The following DLGAP2 variants were observed in gnomAD, a reference collection of about 807,000 sequenced individuals.
DLGAP2 encodes the protein DLG associated protein 2.
In DLGAP2, 26 loss-of-function variants were observed where a neutral mutation model predicts 100.3. The ratio of observed to expected loss-of-function variants is 0.26; its 90% CI spans 0.19 to 0.36. The LOEUF is 0.36. Ranked by LOEUF, DLGAP2 falls within the 10% of genes least tolerant of loss-of-function variation. DLGAP2 has a pLI of 1.00. For synonymous variants in DLGAP2, 886 were observed against 630.1 expected, an observed-to-expected ratio of 1.41 and a Z score of -6.08; for missense variants, 1,858 against 1,453.2, an observed-to-expected ratio of 1.28 and a Z score of -4.53.
At chr8:1,535,900 G>A (rs1801139801) in intron 4 of DLGAP2, among the ~76,000 whole-genome samples, 1 of 152,230 alleles carries the variant, frequency 6.6e-6, no homozygotes, top group African/African-American at 2.4e-5. Context: ...GATGGATGGT[G>A]TTGGTGGTCA....
At chr8:918,280 A>G (rs1798637327) in intron 2 of DLGAP2, among the ~76,000 whole-genome samples, 1 of 152,224 alleles carries the variant, frequency 6.6e-6, no homozygotes, top group Admixed American at 6.5e-5. Flanking sequence ...GTTTTAAAAT[A>G]TGCCTCTGTT....
chr8:1,337,537 A>T (rs202112988), intron 3 of DLGAP2, among the ~76,000 whole-genome samples: 1 of 418 alleles, frequency 2.4e-3, no homozygotes, highest in East Asian at 0.056. Flanking sequence ...AGTGATGATG[A>T]TGATGATGAT....
intron 2 of DLGAP2, among the ~76,000 whole-genome samples, chr8:1,124,033 C>T (rs1021940212): frequency 3.3e-5 from 5 of 152,090 alleles, no homozygotes; most frequent in African/African-American, 1.2e-4. Flanking sequence ...AAAATTCAGC[C>T]CTTCATTTTC....
chr8:845,498 T>C (rs1797056409), intron 1 of DLGAP2, among the ~76,000 whole-genome samples: 1 of 152,224 alleles, frequency 6.6e-6, no homozygotes, highest in Admixed American at 6.5e-5. Flanking sequence ...CTTTGCCCAT[T>C]TTAAACTAGG....
At chr8:862,720 A>T (rs373542825) in intron 1 of DLGAP2, among the ~76,000 whole-genome samples, 6 of 152,030 alleles carry the variant, frequency 3.9e-5, no homozygotes, top group African/African-American at 1.4e-4. Context: ...GTTACTTGGA[A>T]CCTCAGGTGT....
At chr8:1,506,872 G>A (rs527632304) in intron 4 of DLGAP2, among the ~76,000 whole-genome samples, 2 of 152,286 alleles carry the variant, frequency 1.3e-5, no homozygotes, top group African/African-American at 4.8e-5. Context: ...ATAGATTGGT[G>A]CATTTACAAA....
At chr8:1,320,981 G>C (rs541034732) in intron 3 of DLGAP2, among the ~76,000 whole-genome samples, 1 of 152,254 alleles carries the variant, frequency 6.6e-6, no homozygotes, top group South Asian at 2.1e-4. Flanking sequence ...CTCTACATGT[G>C]TGCGTGCATC....
At chr8:959,554 T>C (rs1284332758) in intron 2 of DLGAP2, among the ~76,000 whole-genome samples, 5 of 152,246 alleles carry the variant, frequency 3.3e-5, no homozygotes, top group African/African-American at 1.2e-4. Context: ...GTGCCCGTCG[T>C]CACAAGGCTT....
chr8:1,075,344 G>T (rs1199857510), intron 2 of DLGAP2, among the ~76,000 whole-genome samples: 1 of 152,164 alleles, frequency 6.6e-6, no homozygotes, highest in Non-Finnish European at 1.5e-5. Flanking sequence ...GCATTGTGGG[G>T]TGCTGGAATC....
intron 6 of DLGAP2, among the ~76,000 whole-genome samples, chr8:1,575,455 T>TTTATTATTATTATTATTATTATTA (rs56350882): frequency 5.7e-5 from 8 of 141,204 alleles, no homozygotes; most frequent in South Asian, 4.7e-4. Flanking sequence ...GAGGATATTC[T>TTTATTATTATTATTATTATTATTA]TTATTATTAT....
intron 3 of DLGAP2, among the ~76,000 whole-genome samples, chr8:1,289,341 A>G (rs908987142): frequency 1.3e-5 from 2 of 152,224 alleles, no homozygotes; most frequent in African/African-American, 4.8e-5. Context: ...TAGAAGACAC[A>G]TTTAACAAGT....
At chr8:1,687,397 A>C (rs1799143668) in intron 12 of DLGAP2, among the ~76,000 whole-genome samples, 1 of 152,236 alleles carries the variant, frequency 6.6e-6, no homozygotes, top group African/African-American at 2.4e-5. Context: ...TAGCTCCTGC[A>C]AGTGTCTAAA....
chr8:1,540,090 C>T (rs1801310745), intron 4 of DLGAP2, among the ~76,000 whole-genome samples: 1 of 152,222 alleles, frequency 6.6e-6, no homozygotes, highest in Non-Finnish European at 1.5e-5. Context: ...CCGCCACAGG[C>T]ACCAACTCAG....
intron 3 of DLGAP2, among the ~76,000 whole-genome samples, chr8:1,500,088 A>G (rs918793465): frequency 1.3e-5 from 2 of 152,252 alleles, no homozygotes; most frequent in East Asian, 1.9e-4. Flanking sequence ...ACATGCAATC[A>G]TATTTATATT....
At chr8:1,242,765 C>T (rs1476765924) in intron 2 of DLGAP2, among the ~76,000 whole-genome samples, 1 of 152,062 alleles carries the variant, frequency 6.6e-6, no homozygotes, top group Non-Finnish European at 1.5e-5. Context: ...GATGGTCAGA[C>T]AGACGGATGG....
intron 6 of DLGAP2, among the ~76,000 whole-genome samples, chr8:1,612,407 T>C (rs1319650394): frequency 1.7e-5 from 2 of 119,784 alleles, no homozygotes; most frequent in African/African-American, 3.1e-5. Flanking sequence ...GGATTAAAGA[T>C]TTAAACGTTA....
chr8:1,140,972 G>A (rs879255892), intron 2 of DLGAP2, among the ~76,000 whole-genome samples: 5 of 152,234 alleles, frequency 3.3e-5, no homozygotes, highest in South Asian at 2.1e-4. Context: ...GACAGGGCAA[G>A]ACTCTGTCTC....
At chr8:1,634,482 T>A (rs991492715) in intron 8 of DLGAP2, among the ~76,000 whole-genome samples, 1 of 152,206 alleles carries the variant, frequency 6.6e-6, no homozygotes, top group African/African-American at 2.4e-5. Flanking sequence ...CGTAGCCTCC[T>A]GTTTTCCTCT....
At chr8:1,195,264 G>A (rs1300631478) in intron 2 of DLGAP2, among the ~76,000 whole-genome samples, 3 of 152,204 alleles carry the variant, frequency 2.0e-5, no homozygotes, top group African/African-American at 7.2e-5. Flanking sequence ...GCCTCCCGCT[G>A]GCCAAGCACC....
Sources: gnomAD v4.1 joint callset for allele counts (sites outside exome capture counted in the v4.1 genomes callset) on GRCh38, gnomAD v4.1.1 for gene constraint, MANE v1.5 for transcripts, NCBI Gene and HGNC (gene_info 2026-07-23, HGNC 2026-07-21) for gene names.